SLC1A2: variants seen among roughly 807,000 people sequenced by gnomAD.
The protein encoded by SLC1A2 is solute carrier family 1 member 2.
Under a neutral mutation model 48.8 loss-of-function variants are expected in SLC1A2, and 15 were observed. That is an observed-to-expected ratio of 0.31 (90% CI 0.21 to 0.47). The LOEUF is 0.47. Among genes scored for constraint, SLC1A2 ranks in the 20% least tolerant of loss-of-function variants. The probability of loss-of-function intolerance (pLI) is 0.99; values close to 1 mark genes in which losing one functional copy is unlikely to be tolerated. For synonymous variants in SLC1A2, 279 were observed against 272.6 expected (o/e 1.02, Z -0.23); for missense variants, 502 against 730.5 (o/e 0.69, Z 3.61).
chr11:35,355,547 G>T (rs1853424447), intron 1 of SLC1A2, among the ~76,000 whole-genome samples: 1 of 152,190 alleles, frequency 6.6e-6, no homozygotes, highest in Admixed American at 6.5e-5. Flanking sequence ...AGTGGTCAAT[G>T]CACCAGCTGT....
intron 9 of SLC1A2, 200 bp downstream of exon 9, chr11:35,280,667 C>T: frequency 1.9e-6 from 1 of 524,182 alleles, no homozygotes; most frequent in Middle Eastern, 5.0e-4. Flanking sequence ...CTCCACTAGA[C>T]TGTGACGCCT....
intron 1 of SLC1A2, among the ~76,000 whole-genome samples, chr11:35,388,948 G>A (rs1590261484): frequency 6.6e-6 from 1 of 152,202 alleles, no homozygotes. Flanking sequence ...GACTCCAAAA[G>A]GGGCTGGGAG....
intron 1 of SLC1A2, among the ~76,000 whole-genome samples, chr11:35,377,717 G>A (rs1158448706): frequency 6.6e-6 from 1 of 152,218 alleles, no homozygotes; most frequent in Admixed American, 6.5e-5. Flanking sequence ...AAGCTGCAAA[G>A]ATAGGCCTGA....
intron 10 of SLC1A2, chr11:35,263,868 A>ATGAG (rs1484688902): frequency 6.6e-6 from 1 of 152,232 alleles, no homozygotes; most frequent in East Asian, 1.9e-4. Context: ...TCTCACAGGA[A>ATGAG]TGAGACAGGC....
At chr11:35,379,072 T>C (rs977934939) in intron 1 of SLC1A2, among the ~76,000 whole-genome samples, 1 of 151,972 alleles carries the variant, frequency 6.6e-6, no homozygotes, top group Admixed American at 6.6e-5. Flanking sequence ...CTACTAAAAA[T>C]ACAAAAGTAG....
intron 9 of SLC1A2, among the ~76,000 whole-genome samples, chr11:35,279,853 CA>C (rs1850567675): frequency 6.6e-6 from 1 of 152,218 alleles, no homozygotes; most frequent in African/African-American, 2.4e-5. Context: ...CACTCAAATT[CA>C]GTAACCACTT....
chr11:35,335,210 C>T (rs1486686492), intron 1 of SLC1A2, among the ~76,000 whole-genome samples: 3 of 152,202 alleles, frequency 2.0e-5, no homozygotes, highest in Middle Eastern at 3.4e-3. Flanking sequence ...TGTATTTTGC[C>T]ACTCTCAAGC....
At chr11:35,413,527 T>C (rs1471206151) in intron 1 of SLC1A2, among the ~76,000 whole-genome samples, 2 of 152,160 alleles carry the variant, frequency 1.3e-5, no homozygotes, top group Middle Eastern at 3.2e-3. Context: ...AAAGGGAAGG[T>C]TCTTTGTCAT....
chr11:35,416,092 T>C (rs1181255219), intron 1 of SLC1A2, among the ~76,000 whole-genome samples: 1 of 152,130 alleles, frequency 6.6e-6, no homozygotes, highest in Non-Finnish European at 1.5e-5. Context: ...TACCAAAGAG[T>C]CCACTATTGA....
intron 9 of SLC1A2, among the ~76,000 whole-genome samples, chr11:35,276,878 T>A (rs1850457868): frequency 6.6e-6 from 1 of 152,238 alleles, no homozygotes; most frequent in South Asian, 2.1e-4. Context: ...TCTGTGCTGC[T>A]ATAGCAAAAT....
chr11:35,360,116 C>A, intron 1 of SLC1A2: 1 of 984,610 alleles, frequency 1.0e-6, no homozygotes. Context: ...CATCACAGTC[C>A]TGCTATACTA....
At chr11:35,338,397 T>C (rs571261750) in intron 1 of SLC1A2, among the ~76,000 whole-genome samples, 1 of 152,260 alleles carries the variant, frequency 6.6e-6, no homozygotes, top group East Asian at 1.9e-4. Flanking sequence ...CTAACTCCCG[T>C]CCCTATGGTT....
rs1855711877 is a variant in SLC1A2, at chr11:35,419,316, C to A, written c.-350G>T. The stretch of plus-strand genomic sequence containing the variant: ...GCACGCCGGCGATGCGCCCCTGCAG[C>A]CGCTGCCACCTGTGCTTTGCTGCGG... On this transcript the variant is annotated 5_prime_UTR_variant, in exon 1 of 11. Transcript: ENST00000278379. The surrounding 1 kb of genome is among the most constrained non-coding windows in gnomAD (Gnocchi z 5.4). 2 of 263,692 alleles carry A rather than the reference C, an allele frequency of 7.6e-6. No homozygotes were observed. The highest frequency in any genetic ancestry group is 1.4e-5 in the Non-Finnish European group (2 of 141,204). The allele number at this position is 263,692 out of a possible 1,614,324, so 16.3% of individuals were successfully genotyped here.
chr11:35,417,456 T>A (rs1239910903), intron 1 of SLC1A2, among the ~76,000 whole-genome samples: 1 of 152,166 alleles, frequency 6.6e-6, no homozygotes, highest in Non-Finnish European at 1.5e-5. Context: ...GTCTAGAAGG[T>A]CCATGAAGGC....
chr11:35,267,337 A>C (rs553371171), intron 9 of SLC1A2, among the ~76,000 whole-genome samples: 1 of 152,344 alleles, frequency 6.6e-6, no homozygotes, highest in South Asian at 2.1e-4. Context: ...TGCCTCGTTT[A>C]TAAAATGAAA....
chr11:35,302,936 AG>A (rs1851397060), intron 5 of SLC1A2, among the ~76,000 whole-genome samples: 1 of 149,878 alleles, frequency 6.7e-6, no homozygotes, highest in South Asian at 2.2e-4. Flanking sequence ...TCTATAAATC[AG>A]TGTTGCTATG....
intron 1 of SLC1A2, among the ~76,000 whole-genome samples, chr11:35,347,402 G>A (rs1026256365): frequency 1.9e-4 from 29 of 152,156 alleles, no homozygotes; most frequent in African/African-American, 5.8e-4. Flanking sequence ...CCACTTTAAA[G>A]ACCAGAAAAA....
chr11:35,402,449 G>A (rs945165820), intron 1 of SLC1A2, among the ~76,000 whole-genome samples: 3 of 152,176 alleles, frequency 2.0e-5, no homozygotes, highest in Non-Finnish European at 2.9e-5. Flanking sequence ...AAAGCTCCGA[G>A]CCCTTCCCTG....
chr11:35,293,355 A>G (rs1490774272), intron 6 of SLC1A2, among the ~76,000 whole-genome samples: 4 of 152,250 alleles, frequency 2.6e-5, no homozygotes, highest in African/African-American at 7.2e-5. Flanking sequence ...CTTTTTAGTG[A>G]ATAATCACAG....
Sources: gnomAD v4.1 joint callset for allele counts (sites outside exome capture counted in the v4.1 genomes callset) on GRCh38, gnomAD v4.1.1 for gene constraint, Gnocchi (gnomAD v3.1) non-coding constraint, MANE v1.5 for transcripts, NCBI Gene and HGNC (gene_info 2026-07-23, HGNC 2026-07-21) for gene names.